The following TENM1 variants were observed in gnomAD, a reference collection of about 807,000 sequenced individuals.
TENM1 encodes teneurin transmembrane protein 1.
Under a neutral mutation model 174.8 loss-of-function variants are expected in TENM1, and 35 were observed. That is an observed-to-expected ratio of 0.20 (90% confidence interval 0.15 to 0.27). The LOEUF is 0.27. Ranked by LOEUF, TENM1 falls within the 10% of genes least tolerant of loss-of-function variation. The pLI is 1.00. For missense variants in TENM1, 1,633 were observed against 2,130.1 expected (o/e 0.77, Z 4.59); for synonymous variants, 781 against 798.7 (o/e 0.98, Z 0.37).
intron 4 of TENM1, among the ~76,000 whole-genome samples, chrX:124,734,119 TC>T (rs765652239): frequency 9.2e-4 from 100 of 109,235 alleles, no homozygotes; most frequent in African/African-American, 3.2e-3. Flanking sequence ...TTTACTCACC[TC>T]CCCCTTTCAA....
At chrX:125,134,355 C>T in the TENM1 span, among the ~76,000 whole-genome samples, 1 of 112,127 alleles carries the variant, frequency 8.9e-6, no homozygotes, top group East Asian at 2.8e-4. Flanking sequence ...ACATGGCTAC[C>T]TGTTTTGAAT....
the TENM1 span, among the ~76,000 whole-genome samples, chrX:125,174,098 A>G: frequency 1.8e-5 from 2 of 111,522 alleles, no homozygotes; most frequent in African/African-American, 6.5e-5. Context: ...GGTATCATCA[A>G]CAGAAACTGG....
the TENM1 span, among the ~76,000 whole-genome samples, chrX:125,148,474 C>G: frequency 4.5e-5 from 5 of 111,484 alleles, no homozygotes; most frequent in Non-Finnish European, 5.7e-5. Context: ...CCGAGTTATT[C>G]CTTCTTCTCT....
chrX:124,801,461 T>C (rs1030606809), intron 3 of TENM1, among the ~76,000 whole-genome samples: 4 of 111,931 alleles, frequency 3.6e-5, no homozygotes, highest in African/African-American at 1.3e-4. Flanking sequence ...CATCCCTTTA[T>C]TTTGAGTCTA....
chrX:125,191,924 T>C, the TENM1 span, among the ~76,000 whole-genome samples: 30 of 106,407 alleles, frequency 2.8e-4, no homozygotes, highest in African/African-American at 9.9e-4. Context: ...ATAAGCTAGG[T>C]TTTTTTTTTG....
At chrX:124,517,026 T>A (rs1458004610) in intron 18 of TENM1, among the ~76,000 whole-genome samples, 1 of 111,699 alleles carries the variant, frequency 9.0e-6, no homozygotes, top group East Asian at 2.8e-4. Context: ...GAGGTTATTA[T>A]CCTTAGCAAA....
chrX:124,655,779 T>C (rs951670617), intron 6 of TENM1, among the ~76,000 whole-genome samples: 7 of 112,610 alleles, frequency 6.2e-5, no homozygotes, highest in Non-Finnish European at 1.1e-4. Flanking sequence ...ACACATAATT[T>C]TGTGGAATTG....
intron 23 of TENM1, among the ~76,000 whole-genome samples, chrX:124,444,637 T>G (rs755720539): frequency 3.6e-5 from 4 of 111,058 alleles, no homozygotes; most frequent in Non-Finnish European, 7.6e-5. Flanking sequence ...GTTCTGTGGC[T>G]AAAGTTTTTT....
At chrX:124,995,249 T>C in the TENM1 span, among the ~76,000 whole-genome samples, 1 of 111,067 alleles carries the variant, frequency 9.0e-6, no homozygotes, top group African/African-American at 3.3e-5. Context: ...TCCATGTACG[T>C]ACCACAGGTA....
chrX:124,872,534 T>A (rs1399279700), intron 3 of TENM1, among the ~76,000 whole-genome samples: 2 of 112,100 alleles, frequency 1.8e-5, no homozygotes, highest in African/African-American at 6.5e-5. Flanking sequence ...TCAACTTTGG[T>A]GAATAAGGAA....
At chrX:124,420,941 T>G in intron 24 of TENM1, 120 bp from the exon 28 acceptor site, 2 of 644,117 alleles carry the variant, frequency 3.1e-6, no homozygotes, top group Non-Finnish European at 4.7e-6. Context: ...TGAACCAACA[T>G]TCTCTGTATT....
At chrX:124,434,500 C>T (rs1197828800) in intron 23 of TENM1, among the ~76,000 whole-genome samples, 1 of 112,053 alleles carries the variant, frequency 8.9e-6, no homozygotes, top group Non-Finnish European at 1.9e-5. Context: ...ACAATCAGCA[C>T]GTACACACTC....
At chrX:124,662,958 T>C (rs1419694254) in intron 6 of TENM1, among the ~76,000 whole-genome samples, 1 of 111,739 alleles carries the variant, frequency 8.9e-6, no homozygotes, top group African/African-American at 3.3e-5. Flanking sequence ...CAGTACTTAG[T>C]ACAGTTAAAG....
At chrX:125,166,626 C>T in the TENM1 span, among the ~76,000 whole-genome samples, 1 of 111,527 alleles carries the variant, frequency 9.0e-6, no homozygotes, top group Non-Finnish European at 1.9e-5. Context: ...GATGTGAAGA[C>T]TGGTATATCT....
At chrX:124,470,587 C>T (rs1363192489) in intron 22 of TENM1, among the ~76,000 whole-genome samples, 3 of 111,078 alleles carry the variant, frequency 2.7e-5, no homozygotes, top group African/African-American at 9.8e-5. Flanking sequence ...GTCAAGAGTG[C>T]TTATCTAGAT....
intron 11 of TENM1, among the ~76,000 whole-genome samples, chrX:124,612,412 T>C (rs926129408): frequency 1.8e-5 from 2 of 111,202 alleles, no homozygotes; most frequent in Non-Finnish European, 3.8e-5. Flanking sequence ...CTGAGGTGAG[T>C]TGGGTAGAAT....
At chrX:125,132,080 T>G in the TENM1 span, among the ~76,000 whole-genome samples, 3 of 112,247 alleles carry the variant, frequency 2.7e-5, no homozygotes, top group East Asian at 8.4e-4. Context: ...TAAGCGTGTT[T>G]TTCATTGCAT....
chrX:124,996,548 ACC>A, the TENM1 span, among the ~76,000 whole-genome samples: 1,835 of 91,390 alleles, frequency 0.02, 60 homozygotes, highest in African/African-American at 0.08. Flanking sequence ...AAAAAAAAAA[ACC>A]ACACACACAC....
intron 11 of TENM1, among the ~76,000 whole-genome samples, chrX:124,610,752 A>C (rs1433651960): frequency 9.0e-6 from 1 of 111,498 alleles, no homozygotes; most frequent in African/African-American, 3.3e-5. Flanking sequence ...TTTGAGGGTT[A>C]TACTGGTTTG....
Sources: allele counts gnomAD v4.1 joint callset (sites outside exome capture counted in the v4.1 genomes callset), GRCh38; gene constraint gnomAD v4.1.1; transcripts MANE v1.5; gene names NCBI Gene and HGNC (gene_info 2026-07-23, HGNC 2026-07-21).